Variants in NUP205 observed in about 807,000 individuals in gnomAD.
NUP205 encodes nuclear pore complex protein Nup205.
A neutral mutation model predicts 253.8 loss-of-function variants in NUP205; 76 were observed. That is an observed-to-expected ratio of 0.30 (90% CI 0.25 to 0.36). NUP205 has a LOEUF of 0.36. NUP205 is among the 10% of genes least tolerant of loss of function. NUP205 has a pLI of 1.00. For missense variants in NUP205, 2,162 were observed against 2,425.5 expected (o/e 0.89, Z 2.28); for synonymous variants, 832 against 850.1 (o/e 0.98, Z 0.37).
intron 2 of NUP205, among the ~76,000 whole-genome samples, chr7:135,572,894 G>T (rs1352576697): frequency 6.7e-6 from 1 of 149,844 alleles, no homozygotes; most frequent in East Asian, 1.9e-4. Flanking sequence ...AGCCATCCAA[G>T]AACTATTTAT....
intron 31 of NUP205, among the ~76,000 whole-genome samples, chr7:135,623,244 C>G (rs1334143560): frequency 6.6e-6 from 1 of 152,156 alleles, no homozygotes; most frequent in Admixed American, 6.5e-5. Context: ...GATCGAGGCA[C>G]TTCACTCCAG....
rs768375172 is a variant in NUP205 at position 135,593,153 on chromosome 7, G to T, written c.1791G>T (p.Leu597Phe). 1 of 1,614,084 alleles carries T rather than the reference G, an allele frequency of 6.2e-7. No homozygotes were observed. The highest frequency in any genetic ancestry group is 1.1e-5 in the South Asian group (1 of 91,072). The part of the protein sequence containing the change: ...RGITQKEQDG[L>F]IAFLQLTSTI... ...TCACCCAGAAGGAGCAAGATGGATT[G>T]ATTGCTTTTTTGCAGCTCACGTCTA... Residue 597 changes from leucine to phenylalanine, a missense_variant, in exon 12 of 43, where the codon TTG (leucine) becomes TTT (phenylalanine). Leu to Phe is a conservative substitution (Grantham distance 22). Coordinates refer to ENST00000285968, the MANE Select transcript of NUP205 (RefSeq NM_015135.3).
chr7:135,607,493 G>A, intron 22 of NUP205, 122 bp downstream of exon 22: 1 of 1,077,338 alleles, frequency 9.3e-7, no homozygotes, highest in Middle Eastern at 3.3e-4. Flanking sequence ...TTAGCAATTT[G>A]ACCTGTCTTT....
chr7:135,647,737 C>T (rs1795036202), intron 42 of NUP205, among the ~76,000 whole-genome samples: 1 of 152,118 alleles, frequency 6.6e-6, no homozygotes. Flanking sequence ...GAAAAAAATG[C>T]AGGATTAATA....
intron 19 of NUP205, 151 bp from the exon 20 acceptor site, chr7:135,605,993 GT>G: frequency 1.8e-6 from 1 of 549,142 alleles, no homozygotes; most frequent in Admixed American, 3.1e-5. Context: ...AAGGAACTGA[GT>G]TTTCTATTAA....
At chr7:135,574,556 G>A (rs1806096564) in intron 3 of NUP205, among the ~76,000 whole-genome samples, 1 of 152,152 alleles carries the variant, frequency 6.6e-6, no homozygotes. Context: ...ATAAAGGCGT[G>A]TTTAAGGATA....
intron 35 of NUP205, among the ~76,000 whole-genome samples, chr7:135,633,480 C>CATTTT (rs1367731308): frequency 6.6e-6 from 1 of 152,156 alleles, no homozygotes; most frequent in Non-Finnish European, 1.5e-5. Context: ...AAATTTTAAA[C>CATTTT]AGTGTGGCAT....
intron 31 of NUP205, 103 bp downstream of exon 31, chr7:135,623,028 A>G: frequency 1.6e-6 from 2 of 1,226,510 alleles, no homozygotes; most frequent in Admixed American, 2.1e-5. Flanking sequence ...CTGTAATCTC[A>G]GTGCTTTCGA....
In NUP205 at chr7:135,622,784, A is replaced by T. The variant is rs754276470; in HGVS notation, c.4338A>T (p.Lys1446Asn). 5 of 1,613,786 alleles carry T rather than the reference A, an allele frequency of 3.1e-6. No individual in the cohort carries two copies. The highest frequency in any genetic ancestry group is 3.4e-6 in the Non-Finnish European group (4 of 1,179,944). Residue 1446 changes from lysine (K) to asparagine (N), a missense_variant, in exon 31 of 43, where the codon AAA becomes AAT. Lys to Asn is a moderately conservative substitution (Grantham distance 94). This residue lies in a region of NUP205 where 1,144 missense variants were observed against 1,280.9 expected (regional missense o/e 0.89). Coordinates refer to ENST00000285968, the MANE Select transcript of NUP205 (RefSeq NM_015135.3). ...CTGTTTTAATCCTTTTAGCCAAGAAAACCATGTGGGAAAGGCTGACAGCCC... is the reference window on the plus strand; with the variant it reads ...CTGTTTTAATCCTTTTAGCCAAGAATACCATGTGGGAAAGGCTGACAGCCC... ...DEPDTLEAAKKTMWERLTAPE... is the reference protein window; with the variant it reads ...DEPDTLEAAKNTMWERLTAPE...
At chr7:135,604,770 C>T (rs1794050501) in intron 19 of NUP205, among the ~76,000 whole-genome samples, 1 of 152,204 alleles carries the variant, frequency 6.6e-6, no homozygotes, top group Admixed American at 6.5e-5. Flanking sequence ...TTGTTTACTG[C>T]TCCCGACCTG....
Position 135,607,256 on chromosome 7 carries a change from G to T in NUP205, c.3080G>T (p.Gly1027Val). The T allele has an allele frequency of 6.2e-7, 1 of 1,613,880 alleles. No individual in the cohort carries two copies. The highest frequency in any genetic ancestry group is 8.5e-7 in the Non-Finnish European group (1 of 1,179,918). Reference sequence around the variant, plus strand: ...TTTTGGTTTCATGCAGGAGTGTTAGGTTGCCCTCGGACATGCCTTCACGCC... The same window carrying T: ...TTTTGGTTTCATGCAGGAGTGTTAGTTTGCCCTCGGACATGCCTTCACGCC... Reference protein sequence around the residue: ...TTNLQDPGVLGCPRTCLHAIL... With the variant: ...TTNLQDPGVLVCPRTCLHAIL... Residue 1027 changes from glycine to valine, a missense_variant, in exon 22 of 43, where the codon GGT (glycine) becomes GTT (valine). This residue lies in a region of NUP205 where 1,144 missense variants were observed against 1,280.9 expected (regional missense o/e 0.89). Transcript: ENST00000285968.
rs1361827805 is a variant in NUP205, at chr7:135,630,427, A to G, written c.5016A>G (p.Glu1672=). The change falls in exon 35 of 43, where the codon GAA becomes GAG. Residue 1672 remains glutamate (E), a synonymous_variant. Transcript: ENST00000285968. ...ATGTTAGTGCTGGGTCTTTGCAGGA[A>G]TTGGCTCTGCTGACAGGAATTATAA... ...CQDVSAGSLQ[E]LALLTGIISK... is the part of the protein sequence containing the mutation. The G allele has an allele frequency of 6.2e-7, 1 of 1,610,832 alleles. No homozygotes were observed. Among genetic ancestry groups the G allele is most frequent in the Non-Finnish European group, 8.5e-7 (1 of 1,177,896 alleles).
intron 11 of NUP205, 52 bp downstream of exon 11, chr7:135,591,652 C>A (rs1250237367): frequency 2.0e-6 from 3 of 1,489,794 alleles, no homozygotes; most frequent in South Asian, 1.2e-5. Context: ...CTTTTAAGTT[C>A]AGTATCCCAC....
intron 22 of NUP205, among the ~76,000 whole-genome samples, chr7:135,608,330 C>A (rs148986296): frequency 6.6e-6 from 1 of 152,272 alleles, no homozygotes; most frequent in African/African-American, 2.4e-5. Context: ...GGCCAGAAAG[C>A]ACTTTTTAAT....
In NUP205 at chr7:135,617,072, AC is replaced by A. The variant is rs1794377466; in HGVS notation, c.3533-17del. On this transcript the variant is annotated splice_polypyrimidine_tract_variant and intron_variant, in intron 25 of 42. Coordinates refer to ENST00000285968, the MANE Select transcript of NUP205 (RefSeq NM_015135.3). ...TCAATGTCCCAAGTAAAATCAAATT[AC>A]TTTTTATTATTTCTAGTACGTCGAA... 1 of 1,578,510 alleles carries A rather than the reference AC, an allele frequency of 6.3e-7. No homozygotes were observed. The highest frequency in any genetic ancestry group is 1.8e-5 in the Admixed American group (1 of 55,590).
chr7:135,561,211 G>A (rs972221317), intron 1 of NUP205, among the ~76,000 whole-genome samples: 1 of 152,074 alleles, frequency 6.6e-6, no homozygotes, highest in African/African-American at 2.4e-5. Context: ...TGGCATGATG[G>A]CAGGTGTCTG....
At chr7:135,633,622 T>G (rs977907121) in intron 35 of NUP205, among the ~76,000 whole-genome samples, 1 of 152,200 alleles carries the variant, frequency 6.6e-6, no homozygotes, top group African/African-American at 2.4e-5. Flanking sequence ...TAATTTTTTG[T>G]TGTTGAGACA....
intron 7 of NUP205, among the ~76,000 whole-genome samples, chr7:135,582,879 A>G (rs1375340023): frequency 1.3e-5 from 2 of 152,130 alleles, no homozygotes; most frequent in Admixed American, 1.3e-4. Flanking sequence ...TCATGAGGTC[A>G]AGAGATCAAG....
At chr7:135,611,008 T>C (rs1794218207) in intron 22 of NUP205, among the ~76,000 whole-genome samples, 1 of 151,716 alleles carries the variant, frequency 6.6e-6, no homozygotes, top group African/African-American at 2.4e-5. Flanking sequence ...CTTCTTTTTT[T>C]TTTTTTTTTG....
Sources: gnomAD v4.1 joint callset for allele counts (sites outside exome capture counted in the v4.1 genomes callset) on GRCh38, gnomAD v4.1.1 for gene constraint, gnomAD v4.1.1 regional missense constraint, MANE v1.5 for transcripts, NCBI Gene and HGNC (gene_info 2026-07-23, HGNC 2026-07-21) for gene names.